OPCML: variants seen among roughly 807,000 people sequenced by gnomAD.
The protein encoded by OPCML is opioid-binding protein/cell adhesion molecule.
In OPCML, 13 loss-of-function variants were observed where a neutral mutation model predicts 37.8. The observed-to-expected ratio is 0.34, with a 90% CI of 0.22 to 0.55. The LOEUF (loss-of-function observed/expected upper bound fraction) is 0.55, where lower values mean the gene tolerates loss of function less well. Ranked by LOEUF, OPCML falls within the 20% of genes least tolerant of loss-of-function variation. The probability of loss-of-function intolerance (pLI) is 0.91; values close to 1 mark genes in which losing one functional copy is unlikely to be tolerated. For missense variants in OPCML, 341 were observed against 435.6 expected, an observed-to-expected ratio of 0.78 and a Z score of 1.93; for synonymous variants, 176 against 168.8, an observed-to-expected ratio of 1.04 and a Z score of -0.33.
At chr11:132,605,863 T>C (rs1400517307) in intron 3 of OPCML, among the ~76,000 whole-genome samples, 3 of 152,174 alleles carry the variant, frequency 2.0e-5, no homozygotes, top group Admixed American at 2.0e-4. Context: ...AATAAATGAA[T>C]GAATAAGTGA....
intron 1 of OPCML, among the ~76,000 whole-genome samples, chr11:133,501,223 A>G (rs967044611): frequency 6.6e-6 from 1 of 152,162 alleles, no homozygotes; most frequent in Non-Finnish European, 1.5e-5. Flanking sequence ...CGCTGTCCAC[A>G]GGCAACGCAA....
intron 1 of OPCML, among the ~76,000 whole-genome samples, chr11:133,140,746 G>A (rs1485215968): frequency 3.1e-5 from 4 of 128,780 alleles, no homozygotes; most frequent in Non-Finnish European, 6.6e-5. Flanking sequence ...CGACGACGAC[G>A]AGGAAGAAGA....
chr11:132,420,427 A>G, intron 7 of OPCML, 134 bp from the exon 8 acceptor site: 1 of 1,418,812 alleles, frequency 7.0e-7, no homozygotes, highest in Non-Finnish European at 9.2e-7. Context: ...TAAACAAAGG[A>G]AAAAGCCCAT....
intron 1 of OPCML, among the ~76,000 whole-genome samples, chr11:133,226,825 C>A (rs1940059106): frequency 2.0e-5 from 3 of 152,196 alleles, no homozygotes; most frequent in Admixed American, 2.0e-4. Flanking sequence ...CAGAGGAGCC[C>A]AAACCAGCGC....
At chr11:133,345,047 A>G (rs915405670) in intron 1 of OPCML, among the ~76,000 whole-genome samples, 1 of 152,152 alleles carries the variant, frequency 6.6e-6, no homozygotes, top group Non-Finnish European at 1.5e-5. Context: ...TTTAAAATCA[A>G]TCCCGACCAT....
rs34801498 is a variant in OPCML, at chr11:133,063,568, G to GTTTTTTTT, written c.62-120566_62-120559dup. 1.9e-3 allele frequency among the ~76,000 whole-genome samples: 280 copies of GTTTTTTTT among 149,298 alleles called. 2 individuals are homozygous for GTTTTTTTT. The highest frequency in any genetic ancestry group is 6.5e-3 in the African/African-American group (265 of 40,598). Reference sequence around the variant, plus strand: ...GAAAAGGTCATTTACAGAGCTGTTGGTTTTTTTTTTCGGAGGGAGTTTTGC... The same window carrying GTTTTTTTT: ...GAAAAGGTCATTTACAGAGCTGTTGGTTTTTTTTTTTTTTTTTTCGGAGGGAGTTTTGC... On this transcript the variant is annotated intron_variant, in intron 1 of 7. Transcript: ENST00000524381.
chr11:132,714,876 A>G (rs1023973972), intron 2 of OPCML, among the ~76,000 whole-genome samples: 3 of 152,174 alleles, frequency 2.0e-5, no homozygotes, highest in African/African-American at 7.2e-5. Flanking sequence ...AAGATAACAG[A>G]GAGCTCTGAG....
chr11:132,954,494 C>T (rs77544850), intron 1 of OPCML, among the ~76,000 whole-genome samples: 1 of 152,098 alleles, frequency 6.6e-6, no homozygotes, highest in African/African-American at 2.4e-5. Flanking sequence ...TGCCATGTGG[C>T]TTCTGATTTT....
intron 1 of OPCML, among the ~76,000 whole-genome samples, chr11:133,511,904 T>C (rs997865327): frequency 6.6e-6 from 1 of 152,196 alleles, no homozygotes; most frequent in Admixed American, 6.5e-5. Context: ...TAGTTACTCT[T>C]CATTTGTTGA....
At chr11:132,684,244 T>C (rs1943074033) in intron 2 of OPCML, among the ~76,000 whole-genome samples, 1 of 152,296 alleles carries the variant, frequency 6.6e-6, no homozygotes, top group Non-Finnish European at 1.5e-5. Flanking sequence ...TAAATATATA[T>C]GCTAGACACT....
At chr11:133,221,397 G>A (rs751093270) in intron 1 of OPCML, among the ~76,000 whole-genome samples, 7 of 152,180 alleles carry the variant, frequency 4.6e-5, no homozygotes, top group South Asian at 2.1e-4. Context: ...GAGCAAAGTC[G>A]CTTGGTCTGA....
intron 1 of OPCML, among the ~76,000 whole-genome samples, chr11:133,499,561 C>G (rs535641441): frequency 2.6e-5 from 4 of 151,806 alleles, no homozygotes; most frequent in Non-Finnish European, 5.9e-5. Context: ...TTTTGAGGCT[C>G]TTTGTGGGCT....
intron 2 of OPCML, among the ~76,000 whole-genome samples, chr11:132,781,123 T>C (rs1403128061): frequency 6.6e-6 from 1 of 152,090 alleles, no homozygotes; most frequent in Non-Finnish European, 1.5e-5. Flanking sequence ...ACTTGGAGGA[T>C]GAATTTCATG....
rs564055438 is a variant in OPCML at position 133,437,513 on chromosome 11, C to T, written c.61+94751G>A. Among the ~76,000 whole-genome samples, 39 of 152,226 alleles carry T rather than the reference C, an allele frequency of 2.6e-4. No homozygotes were observed. The South Asian group carries it at 7.9e-3, about 31-fold the overall frequency. ...TCTGGTACACATTTCCTTCAGAGAC[C>T]TCTCACACCTCAGCCAACCGACTCT... On this transcript the variant is annotated intron_variant, in intron 1 of 7. Coordinates refer to ENST00000524381, the MANE Select transcript of OPCML (RefSeq NM_001012393.5).
At chr11:132,763,227 C>T (rs941276050) in intron 2 of OPCML, among the ~76,000 whole-genome samples, 1 of 152,208 alleles carries the variant, frequency 6.6e-6, no homozygotes, top group African/African-American at 2.4e-5. Context: ...GTTGGTCTTG[C>T]TGGCAGCTGC....
chr11:133,071,270 G>T (rs1948527959), intron 1 of OPCML, among the ~76,000 whole-genome samples: 1 of 152,180 alleles, frequency 6.6e-6, no homozygotes, highest in Non-Finnish European at 1.5e-5. Context: ...TGACATCCGT[G>T]TCTGTGTGTG....
At chr11:132,567,831 C>T (rs943595057) in intron 3 of OPCML, among the ~76,000 whole-genome samples, 2 of 152,240 alleles carry the variant, frequency 1.3e-5, no homozygotes, top group African/African-American at 2.4e-5. Flanking sequence ...GATGACAGTC[C>T]GGGTAACTAA....
intron 1 of OPCML, among the ~76,000 whole-genome samples, chr11:133,493,157 G>A (rs1363664952): frequency 6.6e-6 from 1 of 152,164 alleles, no homozygotes; most frequent in East Asian, 1.9e-4. Context: ...CCCCCCAGAA[G>A]GCCACCCCCA....
In OPCML at chr11:133,079,886, C is replaced by T. The variant is rs149399491; in HGVS notation, c.62-136876G>A. Among the ~76,000 whole-genome samples, 52 of 152,254 alleles carry T rather than the reference C, an allele frequency of 3.4e-4. No homozygotes were observed. The East Asian group carries it at 8.5e-3, about 25-fold the overall frequency. ...GATGCCAGAGACATGCTGAGGTGCC[C>T]GTCCAAGGGGATGGAAGATAGGCAT... On this transcript the variant is annotated intron_variant, in intron 1 of 7. Transcript: ENST00000524381.
Sources: allele counts gnomAD v4.1 joint callset (sites outside exome capture counted in the v4.1 genomes callset), GRCh38; gene constraint gnomAD v4.1.1; transcripts MANE v1.5; gene names NCBI Gene and HGNC (gene_info 2026-07-23, HGNC 2026-07-21).